ALPK1: variants seen among roughly 807,000 people sequenced by gnomAD.
ALPK1 encodes the protein alpha-protein kinase 1.
ALPK1 carries 110 observed loss-of-function variants against 120.6 expected under a neutral mutation model. That is an observed-to-expected ratio of 0.91 (90% CI 0.78 to 1.07). The LOEUF (loss-of-function observed/expected upper bound fraction) is 1.07, where lower values mean the gene tolerates loss of function less well. ALPK1 is among the 50% of genes least tolerant of loss of function. The pLI, the probability that ALPK1 is intolerant of heterozygous loss-of-function variation, is 0.00. For missense variants in ALPK1, 1,498 were observed against 1,483.9 expected, an observed-to-expected ratio of 1.01 and a Z score of -0.16; for synonymous variants, 582 against 560.3, an observed-to-expected ratio of 1.04 and a Z score of -0.55.
intron 5 of ALPK1, chr4:112,414,399 G>T (rs188078054): frequency 4.5e-6 from 2 of 440,838 alleles, no homozygotes; most frequent in East Asian, 1.4e-4. Context: ...CTGAAGTCAG[G>T]AGTTCGAGAC....
chr4:112,317,757 A>C (rs918506375), intron 2 of ALPK1, among the ~76,000 whole-genome samples: 1 of 152,188 alleles, frequency 6.6e-6, no homozygotes, highest in Non-Finnish European at 1.5e-5. Flanking sequence ...AGAAAATGTC[A>C]GTGGTTTTCG....
chr4:112,375,912 C>A (rs1731638609), intron 2 of ALPK1, among the ~76,000 whole-genome samples: 1 of 152,104 alleles, frequency 6.6e-6, no homozygotes, highest in Non-Finnish European at 1.5e-5. Flanking sequence ...CACATAGAGG[C>A]TGCTGTAGGG....
At chr4:112,400,230 G>A (rs1321119918) in intron 4 of ALPK1, among the ~76,000 whole-genome samples, 1 of 152,164 alleles carries the variant, frequency 6.6e-6, no homozygotes, top group African/African-American at 2.4e-5. Context: ...AATTAATGAT[G>A]CAGAAGAGAA....
intron 4 of ALPK1, among the ~76,000 whole-genome samples, chr4:112,401,276 G>A (rs1732902217): frequency 2.0e-5 from 3 of 152,296 alleles, no homozygotes; most frequent in Middle Eastern, 3.4e-3. Context: ...AATTTAAAGA[G>A]GCAAGTGAGG....
At chr4:112,390,471 G>A (rs184323623) in intron 4 of ALPK1, among the ~76,000 whole-genome samples, 49 of 152,232 alleles carry the variant, frequency 3.2e-4, no homozygotes, top group African/African-American at 1.2e-3. Flanking sequence ...ACATTTGTTT[G>A]TGGGGTTTCT....
chr4:112,370,602 A>G (rs1345291124), intron 2 of ALPK1, among the ~76,000 whole-genome samples: 1 of 152,232 alleles, frequency 6.6e-6, no homozygotes, highest in African/African-American at 2.4e-5. Context: ...CAAAATTTCC[A>G]GCAGGACTGT....
At chr4:112,420,828 A>T (rs1002680899) in intron 5 of ALPK1, among the ~76,000 whole-genome samples, 5 of 145,924 alleles carry the variant, frequency 3.4e-5, no homozygotes, top group Admixed American at 1.4e-4. Flanking sequence ...ATACTCATAC[A>T]TACATAGAGA....
At chr4:112,417,927 T>G (rs934223633) in intron 5 of ALPK1, among the ~76,000 whole-genome samples, 1 of 152,196 alleles carries the variant, frequency 6.6e-6, no homozygotes, top group African/African-American at 2.4e-5. Flanking sequence ...AAACTAGGGA[T>G]AGAAATGTAA....
chr4:112,303,347 T>C (rs902812739), intron 1 of ALPK1, among the ~76,000 whole-genome samples: 1 of 152,226 alleles, frequency 6.6e-6, no homozygotes, highest in African/African-American at 2.4e-5. Flanking sequence ...GGATTCATCA[T>C]TTACTGCCTC....
At chr4:112,435,766 A>G (rs1354638475) in intron 12 of ALPK1, among the ~76,000 whole-genome samples, 1 of 152,248 alleles carries the variant, frequency 6.6e-6, no homozygotes, top group Non-Finnish European at 1.5e-5. Context: ...GGGATCCCGC[A>G]TAGGCGTTTG....
chr4:112,432,402 A>G lies in ALPK1; in HGVS notation c.2855A>G (p.Asn952Ser), dbSNP rs1356937621. 2.5e-6 allele frequency: 4 copies of G among 1,614,148 alleles called. No individual in the cohort carries two copies. ...GGGGACAGCCCTTGGTCCTATCTGA[A>G]TTCCAGTGGGAGTTCTTGGGTTTCA... ...SEGDSPWSYL[N>S]SSGSSWVSLP... Residue 952 changes from asparagine (N) to serine (S), a missense_variant, in exon 11 of 16, where the codon AAT becomes AGT. Coordinates refer to ENST00000650871, the MANE Select transcript of ALPK1 (RefSeq NM_025144.4).
At chr4:112,311,184 T>C (rs1266460793) in intron 1 of ALPK1, among the ~76,000 whole-genome samples, 1 of 152,214 alleles carries the variant, frequency 6.6e-6, no homozygotes, top group Admixed American at 6.5e-5. Flanking sequence ...AGGAAATTCA[T>C]GAGCAGGCAG....
Position 112,358,637 on chromosome 4 carries a change from C to T in ALPK1, c.-100-19041C>T, listed in dbSNP as rs112954771. On this transcript the variant is annotated intron_variant, in intron 2 of 15. Transcript: ENST00000650871. Reference sequence around the variant, plus strand: ...CGAACAGTGGGCTGGGGGGCCCTGGCGAGGAGCAGGCCCACAGGTGCTCCA... The same window carrying T: ...CGAACAGTGGGCTGGGGGGCCCTGGTGAGGAGCAGGCCCACAGGTGCTCCA... 1.9e-4 allele frequency: 139 copies of T among 717,140 alleles called. 1 individual carries two copies. The highest frequency in any genetic ancestry group is 1.9e-3 in the African/African-American group (108 of 57,492). 44.4% of individuals were successfully genotyped at this position (717,140 alleles called of 1,614,324 possible). A position where few individuals can be genotyped will look rare whatever the true frequency, so the allele number is the denominator to read the frequency against.
At chr4:112,303,962 A>G (rs530589688) in intron 1 of ALPK1, among the ~76,000 whole-genome samples, 10 of 150,968 alleles carry the variant, frequency 6.6e-5, no homozygotes, top group African/African-American at 1.7e-4. Context: ...AAGTGTTCTC[A>G]TTGTTCAGTT....
At chr4:112,381,875 T>G (rs1433779047) in intron 3 of ALPK1, among the ~76,000 whole-genome samples, 1 of 152,204 alleles carries the variant, frequency 6.6e-6, no homozygotes, top group African/African-American at 2.4e-5. Context: ...CACAATTAAT[T>G]TACACCATTT....
At chr4:112,397,552 A>G (rs1375946948) in intron 4 of ALPK1, among the ~76,000 whole-genome samples, 1 of 152,212 alleles carries the variant, frequency 6.6e-6, no homozygotes, top group South Asian at 2.1e-4. Flanking sequence ...ACTGTCAAGT[A>G]CAACTTTAAA....
At position 112,334,621 on chromosome 4, in the gene ALPK1, T is replaced by G. The variant is rs1315136657; in HGVS notation, c.-101+18769T>G. Among the ~76,000 whole-genome samples, 4 of 152,200 alleles carry G rather than the reference T, an allele frequency of 2.6e-5. No homozygotes were observed. The East Asian group carries it at 7.7e-4, about 29-fold the overall frequency. On this transcript the variant is annotated intron_variant, in intron 2 of 15. Coordinates refer to ENST00000650871, the MANE Select transcript of ALPK1 (RefSeq NM_025144.4). ...AAAGTTTTAAGGTGGTTTTAAAGCT[T>G]AGTTCTTATATAGGAGTCTTGGCAT...
chr4:112,397,856 C>A (rs945872609), intron 4 of ALPK1, among the ~76,000 whole-genome samples: 3 of 152,078 alleles, frequency 2.0e-5, no homozygotes, highest in Non-Finnish European at 2.9e-5. Flanking sequence ...CTTACTACCT[C>A]GAGTTTCTGA....
intron 2 of ALPK1, among the ~76,000 whole-genome samples, chr4:112,351,901 A>G (rs1730377821): frequency 6.6e-6 from 1 of 152,252 alleles, no homozygotes; most frequent in East Asian, 1.9e-4. Context: ...TATGTTTACC[A>G]TGGATCCCCA....
Sources: allele counts gnomAD v4.1 joint callset (sites outside exome capture counted in the v4.1 genomes callset), GRCh38; gene constraint gnomAD v4.1.1; transcripts MANE v1.5; gene names NCBI Gene and HGNC (gene_info 2026-07-23, HGNC 2026-07-21).